The following ROBO1 variants were observed in gnomAD, a reference collection of about 807,000 sequenced individuals.
ROBO1 encodes roundabout homolog 1.
Under a neutral mutation model 195.9 loss-of-function variants are expected in ROBO1, and 149 were observed. That is an observed-to-expected ratio of 0.76 (90% CI 0.67 to 0.87). The LOEUF (loss-of-function observed/expected upper bound fraction) is 0.87. Among genes scored for constraint, ROBO1 ranks in the 40% least tolerant of loss-of-function variants. The pLI, the probability that ROBO1 is intolerant of heterozygous loss-of-function variation, is 0.00. For missense variants in ROBO1, 1,933 were observed against 2,068.3 expected (o/e 0.93, Z 1.27); for synonymous variants, 816 against 733.2 (o/e 1.11, Z -1.82).
At chr3:78,745,320 A>G (rs2082631865) in intron 5 of ROBO1, among the ~76,000 whole-genome samples, 1 of 151,962 alleles carries the variant, frequency 6.6e-6, no homozygotes, top group Non-Finnish European at 1.5e-5. Flanking sequence ...AAAAAAAAAA[A>G]AAAAAGATTT....
intron 4 of ROBO1, among the ~76,000 whole-genome samples, chr3:78,804,217 T>C (rs2084459807): frequency 6.6e-6 from 1 of 152,202 alleles, no homozygotes; most frequent in Non-Finnish European, 1.5e-5. Context: ...TTTGGAGACT[T>C]GTGTCTGTTT....
chr3:79,153,429 C>A (rs1410834142), intron 2 of ROBO1, among the ~76,000 whole-genome samples: 1 of 151,640 alleles, frequency 6.6e-6, no homozygotes, highest in Non-Finnish European at 1.5e-5. Flanking sequence ...TTAAAAGAAT[C>A]TTCCAATTAC....
At chr3:78,615,130 C>G (rs924922710) in intron 27 of ROBO1, among the ~76,000 whole-genome samples, 2 of 152,042 alleles carry the variant, frequency 1.3e-5, no homozygotes, top group Non-Finnish European at 2.9e-5. Flanking sequence ...TATACTTAAA[C>G]AAAAAATAGT....
intron 3 of ROBO1, among the ~76,000 whole-genome samples, chr3:79,031,923 T>G (rs2078302071): frequency 6.6e-6 from 1 of 152,164 alleles, no homozygotes; most frequent in African/African-American, 2.4e-5. Context: ...TTTGATTTTA[T>G]TTAGGGAGTT....
intron 10 of ROBO1, among the ~76,000 whole-genome samples, chr3:78,683,815 A>T (rs576770916): frequency 6.6e-6 from 1 of 151,940 alleles, no homozygotes; most frequent in Non-Finnish European, 1.5e-5. Context: ...ATCACAAAAT[A>T]TCAAAGGTGT....
At chr3:79,709,213 A>G (rs961619263) in intron 1 of ROBO1, among the ~76,000 whole-genome samples, 34 of 152,204 alleles carry the variant, frequency 2.2e-4, no homozygotes, top group African/African-American at 8.2e-4. Context: ...TGTATCCTAC[A>G]TAATCTCATT....
At chr3:79,213,938 GC>G (rs1304795469) in intron 2 of ROBO1, among the ~76,000 whole-genome samples, 1 of 147,742 alleles carries the variant, frequency 6.8e-6, no homozygotes, top group Non-Finnish European at 1.5e-5. Context: ...AGATTCTCCT[GC>G]CTCAGCCTCC....
chr3:78,655,271 G>A (rs1337217980), intron 18 of ROBO1, among the ~76,000 whole-genome samples: 1 of 152,104 alleles, frequency 6.6e-6, no homozygotes, highest in Non-Finnish European at 1.5e-5. Flanking sequence ...GCTTGAATGG[G>A]ACTCTCATAT....
intron 2 of ROBO1, among the ~76,000 whole-genome samples, chr3:79,525,687 C>T (rs1032943366): frequency 6.7e-6 from 1 of 149,742 alleles, no homozygotes; most frequent in African/African-American, 2.5e-5. Context: ...CTCACTGCAA[C>T]CTCCGCTTCC....
chr3:79,154,198 A>T (rs2108645862), intron 2 of ROBO1, among the ~76,000 whole-genome samples: 1 of 151,862 alleles, frequency 6.6e-6, no homozygotes, highest in East Asian at 1.9e-4. Context: ...ACTGCTTTAA[A>T]ACATGTAATA....
intron 2 of ROBO1, among the ~76,000 whole-genome samples, chr3:79,174,830 T>TG (rs2081237839): frequency 6.9e-6 from 1 of 144,322 alleles, no homozygotes; most frequent in Non-Finnish European, 1.5e-5. Flanking sequence ...CACTTCAGTC[T>TG]GGGGGAGGGA....
chr3:78,966,425 C>T (rs764107320), intron 3 of ROBO1, among the ~76,000 whole-genome samples: 6 of 152,146 alleles, frequency 3.9e-5, no homozygotes, highest in Admixed American at 2.6e-4. Flanking sequence ...ACATCACAGT[C>T]GACGAGAGAG....
intron 2 of ROBO1, among the ~76,000 whole-genome samples, chr3:79,129,396 A>G (rs1300611603): frequency 2.0e-5 from 3 of 152,086 alleles, no homozygotes; most frequent in African/African-American, 4.8e-5. Flanking sequence ...GTGTGTGTGT[A>G]TATATGTACA....
chr3:78,996,323 A>G (rs1391339902), intron 3 of ROBO1, among the ~76,000 whole-genome samples: 1 of 13,450 alleles, frequency 7.4e-5, no homozygotes, highest in African/African-American at 1.4e-4. Flanking sequence ...CTCTATTAAA[A>G]AAACAAAAAA....
chr3:78,944,219 C>T (rs555392898), intron 3 of ROBO1, among the ~76,000 whole-genome samples: 1 of 152,336 alleles, frequency 6.6e-6, no homozygotes, highest in South Asian at 2.1e-4. Flanking sequence ...TCCAACTATT[C>T]CATAAATACT....
intron 4 of ROBO1, among the ~76,000 whole-genome samples, chr3:78,784,035 T>G (rs2083758962): frequency 6.6e-6 from 1 of 152,076 alleles, no homozygotes; most frequent in South Asian, 2.1e-4. Context: ...AAAGAGTACA[T>G]AAGTAACTAC....
chr3:79,610,522 A>G (rs1305831063), intron 1 of ROBO1, among the ~76,000 whole-genome samples: 3 of 152,008 alleles, frequency 2.0e-5, no homozygotes, highest in Non-Finnish European at 4.4e-5. Flanking sequence ...AAAATATTGG[A>G]CCTTGTTGAA....
chr3:79,455,768 C>T (rs929005212), intron 2 of ROBO1, among the ~76,000 whole-genome samples: 14 of 152,040 alleles, frequency 9.2e-5, no homozygotes, highest in African/African-American at 3.4e-4. Context: ...GCCATGAAGT[C>T]TAAGTGGTAA....
intron 4 of ROBO1, among the ~76,000 whole-genome samples, chr3:78,816,034 T>G (rs1198691112): frequency 6.6e-6 from 1 of 152,146 alleles, no homozygotes; most frequent in Non-Finnish European, 1.5e-5. Flanking sequence ...AGCATTCTAT[T>G]TTAAAAAGTT....
Sources: gnomAD v4.1 joint callset for allele counts (sites outside exome capture counted in the v4.1 genomes callset) on GRCh38, gnomAD v4.1.1 for gene constraint, MANE v1.5 for transcripts, NCBI Gene and HGNC (gene_info 2026-07-23, HGNC 2026-07-21) for gene names.